CDH12: variants seen among roughly 807,000 people sequenced by gnomAD.
CDH12 encodes cadherin 12.
CDH12 carries 41 observed loss-of-function variants against 74.1 expected under a neutral mutation model. The ratio of observed to expected loss-of-function variants is 0.55; its 90% CI spans 0.43 to 0.72. The LOEUF (loss-of-function observed/expected upper bound fraction) is 0.72, where lower values mean the gene tolerates loss of function less well. Ranked by LOEUF, CDH12 falls within the 30% of genes least tolerant of loss-of-function variation. CDH12 has a pLI of 0.00. For missense variants in CDH12, 945 were observed against 977.2 expected (o/e 0.97, Z 0.44); for synonymous variants, 399 against 355.0 (o/e 1.12, Z -1.39).
At chr5:22,583,005 A>G (rs552744556) in intron 1 of CDH12, among the ~76,000 whole-genome samples, 3 of 152,254 alleles carry the variant, frequency 2.0e-5, no homozygotes, top group Non-Finnish European at 2.9e-5. Flanking sequence ...CAACTGGGCC[A>G]GTAGAGAGAA....
At chr5:22,008,509 G>A (rs1255733208) in intron 5 of CDH12, among the ~76,000 whole-genome samples, 4 of 152,118 alleles carry the variant, frequency 2.6e-5, no homozygotes, top group Non-Finnish European at 4.4e-5. Context: ...GATTACAGGC[G>A]TGAGCCACTG....
chr5:22,715,236 C>T (rs1283534886), intron 1 of CDH12, among the ~76,000 whole-genome samples: 2 of 152,132 alleles, frequency 1.3e-5, no homozygotes, highest in South Asian at 4.1e-4. Context: ...TCTTTAGTTA[C>T]TCTGAAAAAT....
rs950733251 is a variant in CDH12 at position 21,877,700 on chromosome 5, G to GA, written c.527-22911dup. Among the ~76,000 whole-genome samples, 204 of 152,278 alleles carry GA rather than the reference G, an allele frequency of 1.3e-3. 2 individuals carry two copies. Among genetic ancestry groups the GA allele is most frequent in the Non-Finnish European group, 2.8e-4 (19 of 68,016 alleles). On this transcript the variant is annotated intron_variant, in intron 6 of 14. Coordinates refer to ENST00000382254, the MANE Select transcript of CDH12 (RefSeq NM_004061.5). ...AGAAATCAATGGAGCAGCTTCAAAT[G>GA]AAAAATGTCTAGAGAAATCTTCAGA...
At chr5:21,834,110 C>T (rs918566240) in intron 8 of CDH12, among the ~76,000 whole-genome samples, 10 of 151,912 alleles carry the variant, frequency 6.6e-5, no homozygotes, top group African/African-American at 2.2e-4. Context: ...TTATGAGACT[C>T]AGCTAGTACC....
chr5:22,395,057 C>T (rs1241996889), intron 3 of CDH12, among the ~76,000 whole-genome samples: 2 of 152,070 alleles, frequency 1.3e-5, no homozygotes, highest in Non-Finnish European at 2.9e-5. Flanking sequence ...CATGTAAATG[C>T]TAACTTATCT....
intron 1 of CDH12, among the ~76,000 whole-genome samples, chr5:22,800,145 T>C (rs1289521541): frequency 6.6e-6 from 1 of 152,174 alleles, no homozygotes; most frequent in East Asian, 1.9e-4. Flanking sequence ...TACAGACATG[T>C]TTTGTAAACT....
intron 1 of CDH12, among the ~76,000 whole-genome samples, chr5:22,775,538 T>C (rs1747045921): frequency 6.6e-6 from 1 of 151,898 alleles, no homozygotes; most frequent in African/African-American, 2.4e-5. Flanking sequence ...AATTTTATAC[T>C]AAAACAAATA....
chr5:22,782,234 G>A (rs896697481), intron 1 of CDH12, among the ~76,000 whole-genome samples: 2 of 152,098 alleles, frequency 1.3e-5, no homozygotes, highest in Non-Finnish European at 2.9e-5. Flanking sequence ...AGATTTGGGA[G>A]GGAACAGGTG....
chr5:22,575,823 C>A (rs1739761037), intron 1 of CDH12, among the ~76,000 whole-genome samples: 1 of 152,152 alleles, frequency 6.6e-6, no homozygotes, highest in Non-Finnish European at 1.5e-5. Flanking sequence ...CCTCAGCCTC[C>A]CAAAGTGCTG....
intron 1 of CDH12, among the ~76,000 whole-genome samples, chr5:22,668,350 A>T (rs937165799): frequency 6.6e-6 from 1 of 152,250 alleles, no homozygotes; most frequent in South Asian, 2.1e-4. Flanking sequence ...AAAATAAAAA[A>T]TTAAAAGGAA....
chr5:22,472,906 C>A (rs1165590910), intron 2 of CDH12, among the ~76,000 whole-genome samples: 1 of 152,116 alleles, frequency 6.6e-6, no homozygotes, highest in Non-Finnish European at 1.5e-5. Flanking sequence ...TAACATTCCC[C>A]CTTTGCTCAA....
intron 1 of CDH12, among the ~76,000 whole-genome samples, chr5:22,821,227 A>C (rs921727624): frequency 2.6e-5 from 4 of 152,162 alleles, no homozygotes; most frequent in Non-Finnish European, 5.9e-5. Context: ...TATTGATGGG[A>C]TGTATCTCAA....
intron 4 of CDH12, among the ~76,000 whole-genome samples, chr5:22,119,238 T>C (rs558261907): frequency 9.1e-4 from 138 of 152,024 alleles, no homozygotes; most frequent in African/African-American, 3.1e-3. Context: ...GTACCCAGTA[T>C]TGCTAAAGAA....
intron 1 of CDH12, among the ~76,000 whole-genome samples, chr5:22,726,675 T>C (rs1415739906): frequency 1.3e-5 from 2 of 151,816 alleles, no homozygotes; most frequent in Non-Finnish European, 3.0e-5. Flanking sequence ...TAGTGTCACA[T>C]GATGTTTTTA....
At position 22,030,281 on chromosome 5, in the gene CDH12, A is replaced by T. The variant is rs185378004; in HGVS notation, c.231+48165T>A. Among the ~76,000 whole-genome samples, 396 of 151,008 alleles carry T rather than the reference A, an allele frequency of 2.6e-3. 1 individual carries two copies. Among genetic ancestry groups the T allele is most frequent in the Non-Finnish European group, 4.1e-3 (281 of 67,980 alleles). ...AAGTTTAATAATAATAAAATAAAATAAAAAAAAGAAAGGTATTTCTTGAAT... is the reference window on the plus strand; with the variant it reads ...AAGTTTAATAATAATAAAATAAAATTAAAAAAAGAAAGGTATTTCTTGAAT... On this transcript the variant is annotated intron_variant, in intron 5 of 14. Coordinates refer to ENST00000382254, the MANE Select transcript of CDH12 (RefSeq NM_004061.5).
intron 3 of CDH12, among the ~76,000 whole-genome samples, chr5:22,263,750 ATGTT>A (rs1334185440): frequency 6.6e-6 from 1 of 152,066 alleles, no homozygotes; most frequent in African/African-American, 2.4e-5. Context: ...TGTTTTAAAT[ATGTT>A]TATTTCACCT....
chr5:22,576,495 T>C (rs1739795069), intron 1 of CDH12, among the ~76,000 whole-genome samples: 3 of 152,176 alleles, frequency 2.0e-5, no homozygotes, highest in Non-Finnish European at 4.4e-5. Flanking sequence ...CTTAAATATA[T>C]GGAGAAATAG....
In CDH12 at chr5:22,542,040, C is replaced by T. The variant is rs184796520; in HGVS notation, c.-522-36676G>A. Among the ~76,000 whole-genome samples, 444 of 152,254 alleles carry T rather than the reference C, an allele frequency of 2.9e-3. 3 individuals carry two copies. The highest frequency in any genetic ancestry group is 9.6e-3 in the African/African-American group (398 of 41,542). On this transcript the variant is annotated intron_variant, in intron 1 of 14. Coordinates refer to ENST00000382254, the MANE Select transcript of CDH12 (RefSeq NM_004061.5). ...TTATGTTGCTTTTACAGATCACTTT[C>T]CTGAGTTTTAAATAGGTACATGCAT... is the stretch of plus-strand genomic sequence containing the variant.
At chr5:21,796,964 T>G (rs1437104360) in intron 10 of CDH12, among the ~76,000 whole-genome samples, 1 of 152,096 alleles carries the variant, frequency 6.6e-6, no homozygotes, top group Non-Finnish European at 1.5e-5. Flanking sequence ...ATAGCAGTGT[T>G]CACCTCAAAC....
Sources: gnomAD v4.1 joint callset for allele counts (sites outside exome capture counted in the v4.1 genomes callset) on GRCh38, gnomAD v4.1.1 for gene constraint, MANE v1.5 for transcripts, NCBI Gene and HGNC (gene_info 2026-07-23, HGNC 2026-07-21) for gene names.